The following TMOD1 variants were observed in gnomAD, a reference collection of about 807,000 sequenced individuals.
TMOD1 encodes the protein tropomodulin 1.
A neutral mutation model predicts 40.6 loss-of-function variants in TMOD1; 17 were observed. The ratio of observed to expected loss-of-function variants is 0.42; its 90% CI spans 0.29 to 0.63. The LOEUF is 0.63. TMOD1 is among the 20% of genes least tolerant of loss of function. The probability of loss-of-function intolerance (pLI) is 0.22; values close to 1 mark genes in which losing one functional copy is unlikely to be tolerated. For synonymous variants in TMOD1, 181 were observed against 175.0 expected (o/e 1.03, Z -0.27); for missense variants, 391 against 447.6 (o/e 0.87, Z 1.14).
chr9:97,598,058 T>C (rs1466136368), intron 9 of TMOD1, among the ~76,000 whole-genome samples: 1 of 152,068 alleles, frequency 6.6e-6, no homozygotes, highest in East Asian at 1.9e-4. Flanking sequence ...CTGGGTGCGG[T>C]GGCTCATGCC....
chr9:97,508,603 C>T (rs1235977840), intron 1 of TMOD1, among the ~76,000 whole-genome samples: 1 of 152,120 alleles, frequency 6.6e-6, no homozygotes, highest in African/African-American at 2.4e-5. Context: ...ATTATGTAAG[C>T]GTGAGCTGTT....
chr9:97,564,306 A>G, intron 6 of TMOD1, 138 bp downstream of exon 6: 1 of 1,176,784 alleles, frequency 8.5e-7, no homozygotes, highest in Non-Finnish European at 1.2e-6. Flanking sequence ...TGCATTGGGA[A>G]TAGGGACAAA....
chr9:97,538,137 A>G (rs1028122059), intron 2 of TMOD1, among the ~76,000 whole-genome samples: 2 of 152,126 alleles, frequency 1.3e-5, no homozygotes, highest in African/African-American at 4.8e-5. Context: ...CCCAGTCCCC[A>G]ACACTCCCAC....
intron 4 of TMOD1, chr9:97,555,469 T>C: frequency 7.0e-7 from 1 of 1,432,510 alleles, no homozygotes; most frequent in African/African-American, 1.4e-5. Context: ...GTGCTACGTT[T>C]CTGTGTGGCT....
chr9:97,558,404 G>T (rs1338041014), intron 4 of TMOD1, among the ~76,000 whole-genome samples: 2 of 151,924 alleles, frequency 1.3e-5, no homozygotes, highest in African/African-American at 4.8e-5. Context: ...GTTGGGGGTG[G>T]GGGGTCTACC....
chr9:97,587,149 C>G (rs374052141), intron 8 of TMOD1, among the ~76,000 whole-genome samples: 9 of 152,340 alleles, frequency 5.9e-5, no homozygotes, highest in African/African-American at 2.2e-4. Flanking sequence ...TGTTTGACCA[C>G]TCACCTGTTG....
chr9:97,598,327 C>CAAAA (rs71369518), intron 9 of TMOD1, among the ~76,000 whole-genome samples: 44 of 71,162 alleles, frequency 6.2e-4, no homozygotes, highest in East Asian at 3.3e-3. Flanking sequence ...AACTCCATCT[C>CAAAA]AAAAAAAAAA....
At chr9:97,527,798 G>A (rs1268313238) in intron 2 of TMOD1, among the ~76,000 whole-genome samples, 1 of 152,214 alleles carries the variant, frequency 6.6e-6, no homozygotes, top group African/African-American at 2.4e-5. Flanking sequence ...TGAGAGGTGG[G>A]AGGCGCTCCC....
chr9:97,536,519 A>T (rs916457840), intron 2 of TMOD1, among the ~76,000 whole-genome samples: 3 of 152,138 alleles, frequency 2.0e-5, no homozygotes, highest in African/African-American at 7.2e-5. Context: ...ACTGAGACTC[A>T]TTTGATAAGC....
chr9:97,536,051 C>T (rs1024984532), intron 2 of TMOD1, among the ~76,000 whole-genome samples: 7 of 152,138 alleles, frequency 4.6e-5, no homozygotes, highest in African/African-American at 1.2e-4. Context: ...TGGCTCACCC[C>T]GCTGCCCCTG....
Position 97,538,746 on chromosome 9 carries a change from C to T in TMOD1, c.121-7439C>T, listed in dbSNP as rs368464879. On this transcript the variant is annotated intron_variant, in intron 2 of 9. Coordinates refer to ENST00000259365, the MANE Select transcript of TMOD1 (RefSeq NM_003275.4). ...GTGCGGTGGCTCATGCCTGTAATCC[C>T]AGCACTTTGGGAGGCCAAGGTGGGT... is the stretch of plus-strand genomic sequence containing the variant. Among the ~76,000 whole-genome samples, 4 of 151,992 alleles carry T rather than the reference C, an allele frequency of 2.6e-5. No individual in the cohort carries two copies. In the East Asian group the frequency reaches 7.7e-4, roughly 29 times the overall value.
chr9:97,521,451 C>T (rs1315770823), intron 1 of TMOD1, among the ~76,000 whole-genome samples: 2 of 152,146 alleles, frequency 1.3e-5, no homozygotes, highest in African/African-American at 2.4e-5. Flanking sequence ...TGGAAGACTC[C>T]AAGCCCTTCA....
At chr9:97,558,677 C>A (rs950085114) in intron 4 of TMOD1, among the ~76,000 whole-genome samples, 5 of 152,154 alleles carry the variant, frequency 3.3e-5, no homozygotes, top group Non-Finnish European at 5.9e-5. Flanking sequence ...CTCCTGGCCT[C>A]AAGAGATCCA....
At chr9:97,530,353 A>C (rs937600200) in intron 2 of TMOD1, among the ~76,000 whole-genome samples, 11 of 152,218 alleles carry the variant, frequency 7.2e-5, no homozygotes, top group Non-Finnish European at 1.3e-4. Flanking sequence ...CCTTATAAAG[A>C]AATTGGGTCC....
chr9:97,588,810 G>T (rs1825935866), intron 8 of TMOD1, among the ~76,000 whole-genome samples: 1 of 152,112 alleles, frequency 6.6e-6, no homozygotes, highest in Non-Finnish European at 1.5e-5. Flanking sequence ...TCTAACAAAA[G>T]AAGTTAGAAT....
rs559714772 is a variant in TMOD1 at position 97,549,452 on chromosome 9, T to G, written c.277+3111T>G. ...GTTATGGGGTATAATAAACCACAGGTCTTAAATATTTATTGAATATTCATC... is the reference window on the plus strand; with the variant it reads ...GTTATGGGGTATAATAAACCACAGGGCTTAAATATTTATTGAATATTCATC... On this transcript the variant is annotated intron_variant, in intron 3 of 9. Transcript: ENST00000259365. Among the ~76,000 whole-genome samples the G allele has an allele frequency of 2.6e-5, 4 of 152,300 alleles. No individual in the cohort carries two copies. In the East Asian group the frequency reaches 7.7e-4, roughly 29 times the overall value.
chr9:97,559,468 TA>T (rs879654498), intron 4 of TMOD1, among the ~76,000 whole-genome samples: 460 of 143,140 alleles, frequency 3.2e-3, no homozygotes, highest in African/African-American at 4.9e-3. Context: ...TGAGGAGGTT[TA>T]AAAAAAAAAA....
At chr9:97,536,312 G>GTGA (rs1830183227) in intron 2 of TMOD1, among the ~76,000 whole-genome samples, 1 of 152,190 alleles carries the variant, frequency 6.6e-6, no homozygotes, top group Non-Finnish European at 1.5e-5. Context: ...TTGCTGGCCT[G>GTGA]TGATAGGTTT....
intron 3 of TMOD1, among the ~76,000 whole-genome samples, chr9:97,552,691 A>G (rs1587937977): frequency 6.6e-6 from 1 of 152,232 alleles, no homozygotes; most frequent in East Asian, 1.9e-4. Context: ...AGCAATTGCC[A>G]TCATCCTTTA....
Sources: gnomAD v4.1 joint callset for allele counts (sites outside exome capture counted in the v4.1 genomes callset) on GRCh38, gnomAD v4.1.1 for gene constraint, MANE v1.5 for transcripts, NCBI Gene and HGNC (gene_info 2026-07-23, HGNC 2026-07-21) for gene names.